Variants in MAGI2 observed in about 807,000 individuals in gnomAD.
The protein encoded by MAGI2 is membrane-associated guanylate kinase, WW and PDZ domain-containing protein 2.
MAGI2 carries 35 observed loss-of-function variants against 133.3 expected under a neutral mutation model. That is an observed-to-expected ratio of 0.26 (90% CI 0.20 to 0.35). The LOEUF (loss-of-function observed/expected upper bound fraction) is 0.35. Among genes scored for constraint, MAGI2 ranks in the 10% least tolerant of loss-of-function variants. The pLI, the probability that MAGI2 is intolerant of heterozygous loss-of-function variation, is 1.00. For synonymous variants in MAGI2, 729 were observed against 710.6 expected, an observed-to-expected ratio of 1.03 and a Z score of -0.41; for missense variants, 1,636 against 1,863.4, an observed-to-expected ratio of 0.88 and a Z score of 2.25.
At chr7:78,570,556 CAG>C (rs1311461270) in intron 3 of MAGI2, among the ~76,000 whole-genome samples, 4 of 152,072 alleles carry the variant, frequency 2.6e-5, no homozygotes, top group East Asian at 1.9e-4. Flanking sequence ...TTGACAGTGA[CAG>C]GGGGTGGGAC....
At chr7:78,332,383 T>C (rs1789299210) in intron 9 of MAGI2, among the ~76,000 whole-genome samples, 1 of 152,220 alleles carries the variant, frequency 6.6e-6, no homozygotes, top group African/African-American at 2.4e-5. Context: ...GTGTGACATC[T>C]GTATCACCTA....
intron 4 of MAGI2, among the ~76,000 whole-genome samples, chr7:78,511,967 A>G (rs1433520063): frequency 1.3e-5 from 2 of 151,748 alleles, no homozygotes; most frequent in South Asian, 2.1e-4. Context: ...ACAAAAACAG[A>G]AAAACATTAG....
chr7:79,052,703 A>T (rs1812785204), intron 1 of MAGI2, among the ~76,000 whole-genome samples: 5 of 152,190 alleles, frequency 3.3e-5, no homozygotes, highest in Admixed American at 3.3e-4. Flanking sequence ...ATAAACCAAA[A>T]ATTGGTCTAT....
intron 2 of MAGI2, among the ~76,000 whole-genome samples, chr7:78,791,818 G>A (rs1461026313): frequency 6.6e-6 from 1 of 152,066 alleles, no homozygotes; most frequent in African/African-American, 2.4e-5. Flanking sequence ...CCAAAATGCT[G>A]GGATTACAGA....
chr7:78,356,669 G>T, intron 7 of MAGI2, among the ~76,000 whole-genome samples: 1 of 152,144 alleles, frequency 6.6e-6, no homozygotes, highest in Admixed American at 6.5e-5. Context: ...ATGTAACAGG[G>T]TGGAACCTTG....
rs145880660 is a variant in MAGI2, at chr7:78,863,260, T to G, written c.418+143830A>C. ...TGCAAACCACTTGTCTGTTTAGTGT[T>G]GCTATAAAGGAATACCTGAGGCTGG... On this transcript the variant is annotated intron_variant, in intron 2 of 21. Coordinates refer to ENST00000354212, the MANE Select transcript of MAGI2 (RefSeq NM_012301.4). Among the ~76,000 whole-genome samples the G allele has an allele frequency of 1.3e-4, 20 of 152,338 alleles. No individual in the cohort carries two copies. In the East Asian group the frequency reaches 2.7e-3, roughly 21 times the overall value.
rs1846604854 is a variant in MAGI2, at chr7:79,417,335, TAGAG to T, written c.301+35681_301+35684del. On this transcript the variant is annotated intron_variant, in intron 1 of 21. Transcript: ENST00000354212. ...GAGCTCTCCTCCATTGATAACATAA[TAGAG>T]AGCTGAATGTTCCTAGGTATCTTCT... Among the ~76,000 whole-genome samples the T allele has an allele frequency of 2.0e-5, 3 of 152,272 alleles. No individual in the cohort carries two copies. In the South Asian group the frequency reaches 6.2e-4, roughly 32 times the overall value.
chr7:78,400,890 T>A (rs1330893088), intron 6 of MAGI2, among the ~76,000 whole-genome samples: 1 of 152,164 alleles, frequency 6.6e-6, no homozygotes, highest in Non-Finnish European at 1.5e-5. Flanking sequence ...TGCTGCTTAA[T>A]ATGATGTCAG....
chr7:78,735,198 G>GA (rs1242255732), intron 2 of MAGI2, among the ~76,000 whole-genome samples: 2 of 152,070 alleles, frequency 1.3e-5, no homozygotes, highest in Non-Finnish European at 2.9e-5. Flanking sequence ...TAATATGGTA[G>GA]AAAAATTACA....
At chr7:78,599,313 T>G (rs12666720) in intron 3 of MAGI2, among the ~76,000 whole-genome samples, 13,334 of 152,186 alleles carry the variant, frequency 0.088, 643 homozygotes, top group African/African-American at 0.1. Context: ...TTAAAAATTT[T>G]AAGAAGATAG....
intron 1 of MAGI2, among the ~76,000 whole-genome samples, chr7:79,029,397 G>C (rs1001961702): frequency 6.6e-6 from 1 of 152,064 alleles, no homozygotes; most frequent in Non-Finnish European, 1.5e-5. Context: ...TAAAGATGGG[G>C]TATTTAAGAT....
At chr7:79,360,108 C>T (rs1254119400) in intron 1 of MAGI2, among the ~76,000 whole-genome samples, 4 of 152,108 alleles carry the variant, frequency 2.6e-5, no homozygotes, top group Non-Finnish European at 5.9e-5. Context: ...GTTAACATCA[C>T]ACAAGGTATT....
intron 2 of MAGI2, among the ~76,000 whole-genome samples, chr7:78,712,069 G>A (rs1819250065): frequency 6.6e-6 from 1 of 152,074 alleles, no homozygotes; most frequent in African/African-American, 2.4e-5. Context: ...CAGTGCTACT[G>A]GCAATGTCAA....
chr7:78,200,334 G>A (rs554713717), intron 11 of MAGI2, among the ~76,000 whole-genome samples: 58 of 152,304 alleles, frequency 3.8e-4, no homozygotes, highest in African/African-American at 1.3e-3. Flanking sequence ...TGCAAGTGAA[G>A]ACCACCTCTA....
At chr7:79,304,489 C>T (rs940755622) in intron 1 of MAGI2, among the ~76,000 whole-genome samples, 2 of 151,984 alleles carry the variant, frequency 1.3e-5, no homozygotes, top group African/African-American at 4.8e-5. Context: ...GATAATTTGG[C>T]TATATTCTTG....
At chr7:79,007,005 A>C in intron 2 of MAGI2, 85 bp downstream of exon 2, 1 of 1,022,758 alleles carries the variant, frequency 9.8e-7, no homozygotes, top group Non-Finnish European at 1.4e-6. Context: ...AAATAAGTGC[A>C]ATTTCACTTT....
intron 1 of MAGI2, among the ~76,000 whole-genome samples, chr7:79,053,929 A>G (rs947451879): frequency 6.6e-6 from 1 of 152,082 alleles, no homozygotes; most frequent in Admixed American, 6.6e-5. Context: ...GGGAGCGGTG[A>G]CTCACACCTG....
intron 1 of MAGI2, among the ~76,000 whole-genome samples, chr7:79,310,218 C>T (rs1292507602): frequency 3.1e-5 from 4 of 131,140 alleles, no homozygotes; most frequent in African/African-American, 1.1e-4. Context: ...GAAATATCTC[C>T]ATCAGTGTTA....
chr7:78,929,443 T>C (rs1259330293), intron 2 of MAGI2, among the ~76,000 whole-genome samples: 1 of 152,062 alleles, frequency 6.6e-6, no homozygotes, highest in East Asian at 1.9e-4. Context: ...TTCTCTTACA[T>C]TTCTGGAGAT....
Sources: allele counts gnomAD v4.1 joint callset (sites outside exome capture counted in the v4.1 genomes callset), GRCh38; gene constraint gnomAD v4.1.1; transcripts MANE v1.5; gene names NCBI Gene and HGNC (gene_info 2026-07-23, HGNC 2026-07-21).